The following FBLN5 variants were observed in gnomAD, a reference collection of about 807,000 sequenced individuals.
The protein encoded by FBLN5 is fibulin 5.
In FBLN5, 24 loss-of-function variants were observed where a neutral mutation model predicts 61.6. That is an observed-to-expected ratio of 0.39 (90% CI 0.28 to 0.55). The LOEUF is 0.55. Among genes scored for constraint, FBLN5 ranks in the 20% least tolerant of loss-of-function variants. FBLN5 has a pLI of 0.65. For missense variants in FBLN5, 470 were observed against 594.1 expected, an observed-to-expected ratio of 0.79 and a Z score of 2.17; for synonymous variants, 213 against 219.8, an observed-to-expected ratio of 0.97 and a Z score of 0.27.
At chr14:91,877,841 C>A in intron 9 of FBLN5, 159 bp from the exon 10 acceptor site, 1 of 694,828 alleles carries the variant, frequency 1.4e-6, no homozygotes, top group South Asian at 1.5e-5. Context: ...AGTCTAAAAT[C>A]TCTCCAGCAT....
chr14:91,945,908 C>T (rs2056176039), intron 1 of FBLN5, among the ~76,000 whole-genome samples: 1 of 151,618 alleles, frequency 6.6e-6, no homozygotes, highest in African/African-American at 2.4e-5. Flanking sequence ...AGAACAATAA[C>T]AAATTTATTT....
chr14:91,888,931 A>G (rs1350194525), intron 6 of FBLN5, among the ~76,000 whole-genome samples: 1 of 152,216 alleles, frequency 6.6e-6, no homozygotes, highest in African/African-American at 2.4e-5. Flanking sequence ...TCCCAAGTCC[A>G]TGTAAACCTC....
At chr14:91,917,876 G>A (rs1490863929) in intron 4 of FBLN5, among the ~76,000 whole-genome samples, 5 of 152,144 alleles carry the variant, frequency 3.3e-5, no homozygotes, top group Middle Eastern at 3.2e-3. Flanking sequence ...TGCAGAGCAC[G>A]CCAGTCTAAA....
At chr14:91,894,402 C>CA (rs58035118) in intron 5 of FBLN5, among the ~76,000 whole-genome samples, 1,932 of 34,200 alleles carry the variant, frequency 0.056, 219 homozygotes, top group African/African-American at 0.1. Flanking sequence ...GACACCATAT[C>CA]AAAAAAAAAA....
chr14:91,925,473 A>G (rs2055812101), intron 4 of FBLN5, among the ~76,000 whole-genome samples: 1 of 152,150 alleles, frequency 6.6e-6, no homozygotes, highest in Admixed American at 6.5e-5. Context: ...TCCAAGACAA[A>G]CAGGAGCCTC....
chr14:91,936,955 T>C lies in FBLN5; in HGVS notation c.371A>G (p.Gln124Arg). 1.2e-6 allele frequency: 2 copies of C among 1,614,166 alleles called. No homozygotes were observed. Among genetic ancestry groups the C allele is most frequent in the South Asian group, 2.2e-5 (2 of 91,086 alleles). ...AAGGCCGGGCTACTCACCCACACATTGGTTGCTTTCATCCATCTGGTATCC... is the reference window on the plus strand; with the variant it reads ...AAGGCCGGGCTACTCACCCACACATCGGTTGCTTTCATCCATCTGGTATCC... ...RFGYQMDESN[Q>R]CVDVDECATD... The change falls in exon 4 of 11, where the codon CAA (glutamine) becomes CGA (arginine). Residue 124 changes from glutamine (Q) to arginine (R), a missense_variant. By Grantham distance (43) the Gln-to-Arg change is conservative. Coordinates refer to ENST00000342058, the MANE Select transcript of FBLN5 (RefSeq NM_006329.4).
At position 91,881,295 on chromosome 14, in the gene FBLN5, T is replaced by A. The variant is rs1172268284; in HGVS notation, c.986A>T (p.Asp329Val). Reference protein sequence around the residue: ...RCEEPYLRISDNRCMCPAENP... With the variant: ...RCEEPYLRISVNRCMCPAENP... ...CCAGGGGGACGCCGTGACTTACTTA[T>A]CACTGATCCTCAGATAAGGCTCCTC... The change falls in exon 9 of 11, where the codon GAT becomes GTT. Residue 329 changes from aspartate to valine, a missense_variant. Transcript: ENST00000342058. 1 of 1,614,136 alleles carries A rather than the reference T, an allele frequency of 6.2e-7. No homozygotes were observed. The highest frequency in any genetic ancestry group is 8.5e-7 in the Non-Finnish European group (1 of 1,180,002).
At chr14:91,901,711 A>C (rs896345139) in intron 4 of FBLN5, among the ~76,000 whole-genome samples, 3 of 152,068 alleles carry the variant, frequency 2.0e-5, no homozygotes, top group Non-Finnish European at 4.4e-5. Flanking sequence ...GGGCATCTGC[A>C]CTCCATGTGT....
At chr14:91,906,799 C>T (rs577336904) in intron 4 of FBLN5, among the ~76,000 whole-genome samples, 4 of 152,288 alleles carry the variant, frequency 2.6e-5, no homozygotes, top group South Asian at 2.1e-4. Flanking sequence ...GCACAGTGCC[C>T]GAGTCCCACT....
Position 91,947,324 on chromosome 14 carries a change from C to G in FBLN5, c.-95G>C. Reference sequence around the variant, plus strand: ...CGGGCACGTCGGCCTCCTCTGGGCCCTCGGGGCTCGCGGGTGTTTTATTCC... The same window carrying G: ...CGGGCACGTCGGCCTCCTCTGGGCCGTCGGGGCTCGCGGGTGTTTTATTCC... On this transcript the variant is annotated 5_prime_UTR_variant, in exon 1 of 11. Coordinates refer to ENST00000342058, the MANE Select transcript of FBLN5 (RefSeq NM_006329.4). The surrounding 1 kb of genome is among the most constrained non-coding windows in gnomAD (Gnocchi z 4.3). 6.9e-7 allele frequency: 1 copy of G among 1,439,746 alleles called. No individual in the cohort carries two copies. Among genetic ancestry groups the G allele is most frequent in the South Asian group, 1.2e-5 (1 of 86,716 alleles). The allele number at this position is 1,439,746 out of a possible 1,614,324, so 89.2% of individuals were successfully genotyped here.
intron 2 of FBLN5, among the ~76,000 whole-genome samples, chr14:91,942,610 C>T (rs531808729): frequency 6.6e-6 from 1 of 152,318 alleles, no homozygotes; most frequent in South Asian, 2.1e-4. Context: ...TGTAACAAAC[C>T]TGCACATCCT....
At chr14:91,891,435 A>T (rs1889992065) in intron 5 of FBLN5, 98 bp from the exon 6 acceptor site, 3 of 837,418 alleles carry the variant, frequency 3.6e-6, no homozygotes, top group Admixed American at 1.7e-5. Flanking sequence ...AAACAGGATC[A>T]TGAACGGAAG....
intron 10 of FBLN5, among the ~76,000 whole-genome samples, chr14:91,871,016 C>A (rs1179582516): frequency 6.6e-6 from 1 of 151,926 alleles, no homozygotes; most frequent in Non-Finnish European, 1.5e-5. Context: ...GGGTGGGAGG[C>A]AGGAGGAGGG....
intron 4 of FBLN5, among the ~76,000 whole-genome samples, chr14:91,925,451 T>C (rs1291535014): frequency 6.6e-6 from 1 of 152,172 alleles, no homozygotes; most frequent in Non-Finnish European, 1.5e-5. Context: ...TCCCCAAGCA[T>C]GCTCCTCTGT....
At chr14:91,902,887 C>G (rs1284296443) in intron 4 of FBLN5, among the ~76,000 whole-genome samples, 1 of 152,036 alleles carries the variant, frequency 6.6e-6, no homozygotes, top group Non-Finnish European at 1.5e-5. Flanking sequence ...TAAGTGGGAA[C>G]TGACCATGAA....
At chr14:91,884,414 T>C (rs1164010267) in intron 7 of FBLN5, among the ~76,000 whole-genome samples, 1 of 152,252 alleles carries the variant, frequency 6.6e-6, no homozygotes, top group Non-Finnish European at 1.5e-5. Context: ...CCACTCATAC[T>C]TTCAGTAGAG....
rs867876623 is a variant in FBLN5, at chr14:91,947,243, G to A, written c.-14C>T. 3.1e-6 allele frequency: 5 copies of A among 1,614,156 alleles called. No homozygotes were observed. Among genetic ancestry groups the A allele is most frequent in the South Asian group, 1.1e-5 (1 of 91,084 alleles). Reference sequence around the variant, plus strand: ...TATTCCTGGCATGTCCAAGACGCGCGAGGAGGAGATGCGAAGGCGAGAAGA... The same window carrying A: ...TATTCCTGGCATGTCCAAGACGCGCAAGGAGGAGATGCGAAGGCGAGAAGA... On this transcript the variant is annotated 5_prime_UTR_variant, in exon 1 of 11. Coordinates refer to ENST00000342058, the MANE Select transcript of FBLN5 (RefSeq NM_006329.4). The surrounding 1 kb of genome is among the most constrained non-coding windows in gnomAD (Gnocchi z 4.3).
chr14:91,937,168 C>G lies in FBLN5; in HGVS notation c.158G>C (p.Cys53Ser). The G allele has an allele frequency of 6.2e-7, 1 of 1,614,110 alleles. No homozygotes were observed. Among genetic ancestry groups the G allele is most frequent in the Non-Finnish European group, 8.5e-7 (1 of 1,179,998 alleles). ...GTTAACACACATCATGTCTCCTCGG[C>G]AGGCCTCGGGGATGGTTCGGCATTC... ...IDECRTIPEA[C>S]RGDMMCVNQN... Residue 53 changes from cysteine (C) to serine (S), a missense_variant, in exon 4 of 11, where the codon TGC becomes TCC. Coordinates refer to ENST00000342058, the MANE Select transcript of FBLN5 (RefSeq NM_006329.4).
chr14:91,888,558 G>A (rs1029226763), intron 6 of FBLN5, among the ~76,000 whole-genome samples: 1 of 149,516 alleles, frequency 6.7e-6, no homozygotes, highest in African/African-American at 2.5e-5. Flanking sequence ...GCAGTGAGCT[G>A]AGATCACGCC....
Sources: gnomAD v4.1 joint callset for allele counts (sites outside exome capture counted in the v4.1 genomes callset) on GRCh38, gnomAD v4.1.1 for gene constraint, Gnocchi (gnomAD v3.1) non-coding constraint, MANE v1.5 for transcripts, NCBI Gene and HGNC (gene_info 2026-07-23, HGNC 2026-07-21) for gene names.